The following LSM3 variants were observed in gnomAD, a reference collection of about 807,000 sequenced individuals.
LSM3 encodes the protein U6 snRNA-associated Sm-like protein LSm3.
Under a neutral mutation model 15.4 loss-of-function variants are expected in LSM3, and 14 were observed. The observed-to-expected ratio is 0.91, with a 90% CI of 0.60 to 1.42. The LOEUF is 1.42. LSM3 is among the 40% of genes most tolerant of loss of function. The pLI, the probability that LSM3 is intolerant of heterozygous loss-of-function variation, is 0.00. For synonymous variants in LSM3, 46 were observed against 45.1 expected (o/e 1.02, Z -0.08); for missense variants, 88 against 127.9 (o/e 0.69, Z 1.50).
Position 14,199,978 on chromosome 3 carries a change from A to G in LSM3, c.*1862A>G, listed in dbSNP as rs1048086120. The G allele has an allele frequency of 6.6e-6, 1 of 152,208 alleles. No individual in the cohort carries two copies. Among genetic ancestry groups the G allele is most frequent in the African/African-American group, 2.4e-5 (1 of 41,460 alleles). The allele number at this position is 152,208 out of a possible 1,614,324, so 9.4% of individuals were successfully genotyped here. On this transcript the variant is annotated 3_prime_UTR_variant, in exon 4 of 4. Coordinates refer to ENST00000306024, the MANE Select transcript of LSM3 (RefSeq NM_014463.3). ...AGTCTGCAGTTCTCCCCAGCACTGC[A>G]TTCATTTTTAGTGGTTTCTGATAGT...
chr3:14,195,231 T>G (rs967525363), intron 3 of LSM3, among the ~76,000 whole-genome samples: 1 of 152,154 alleles, frequency 6.6e-6, no homozygotes, highest in Non-Finnish European at 1.5e-5. Flanking sequence ...ATGAGAAGTT[T>G]ATGAATCAGC....
intron 3 of LSM3, among the ~76,000 whole-genome samples, chr3:14,189,098 C>T (rs1697116342): frequency 6.6e-6 from 1 of 152,088 alleles, no homozygotes; most frequent in South Asian, 2.1e-4. Flanking sequence ...TGATGGTTTC[C>T]AGCTTCATCC....
At chr3:14,194,775 CTTTTTTTTTTTT>C (rs145805608) in intron 3 of LSM3, among the ~76,000 whole-genome samples, 2 of 88,800 alleles carry the variant, frequency 2.3e-5, no homozygotes, top group East Asian at 4.4e-4. Context: ...TTATAGCATC[CTTTTTTTTTTTT>C]TTTTTTTTTT....
intron 3 of LSM3, among the ~76,000 whole-genome samples, chr3:14,193,464 CTTTG>C (rs1387178098): frequency 2.0e-5 from 3 of 152,142 alleles, no homozygotes; most frequent in African/African-American, 7.2e-5. Flanking sequence ...TTCTTGGAGG[CTTTG>C]TTTGTTCCTT....
At chr3:14,189,597 C>T (rs1455978101) in intron 3 of LSM3, among the ~76,000 whole-genome samples, 1 of 152,070 alleles carries the variant, frequency 6.6e-6, no homozygotes, top group African/African-American at 2.4e-5. Context: ...GCATAAATGT[C>T]TTCTTTTGAG....
At chr3:14,191,222 A>T (rs1307030892) in intron 3 of LSM3, among the ~76,000 whole-genome samples, 1 of 152,216 alleles carries the variant, frequency 6.6e-6, no homozygotes, top group Non-Finnish European at 1.5e-5. Context: ...GGTGTTCATC[A>T]GGGATATTGG....
chr3:14,195,293 T>C (rs751801565), intron 3 of LSM3, among the ~76,000 whole-genome samples: 14 of 152,156 alleles, frequency 9.2e-5, no homozygotes, highest in Non-Finnish European at 1.8e-4. Flanking sequence ...CTCAGTGATA[T>C]GACCCTAGCC....
intron 3 of LSM3, among the ~76,000 whole-genome samples, chr3:14,193,350 T>C (rs1430829188): frequency 4.6e-5 from 7 of 152,244 alleles, no homozygotes; most frequent in Admixed American, 4.6e-4. Context: ...GAAGTTCTCC[T>C]GGATAATATC....
Position 14,193,310 on chromosome 3 carries a change from T to C in LSM3, c.229-4726T>C, listed in dbSNP as rs181144334. 9.9e-4 allele frequency among the ~76,000 whole-genome samples: 151 copies of C among 152,304 alleles called. 1 individual carries two copies. Among genetic ancestry groups the C allele is most frequent in the African/African-American group, 3.5e-3 (145 of 41,568 alleles). On this transcript the variant is annotated intron_variant, in intron 3 of 3. Coordinates refer to ENST00000306024, the MANE Select transcript of LSM3 (RefSeq NM_014463.3). ...GTGGTGTTCTCTGTATTTCCTGAAT[T>C]TGAATGTTGGCCTGTCTTACTAGGT...
intron 1 of LSM3, 37 bp from the exon 2 acceptor site, chr3:14,181,523 T>C: frequency 7.5e-7 from 1 of 1,327,496 alleles, no homozygotes; most frequent in Non-Finnish European, 1.1e-6. Context: ...CTACTCTGAC[T>C]CTAGTACTAC....
chr3:14,190,713 A>G (rs1053302030), intron 3 of LSM3, among the ~76,000 whole-genome samples: 1 of 152,208 alleles, frequency 6.6e-6, no homozygotes, highest in Admixed American at 6.5e-5. Context: ...GGTTTTCTAA[A>G]TATACAATCA....
chr3:14,183,071 G>C (rs1283083298), intron 2 of LSM3, among the ~76,000 whole-genome samples: 1 of 152,222 alleles, frequency 6.6e-6, no homozygotes, highest in Non-Finnish European at 1.5e-5. Flanking sequence ...TGTGGCTCTT[G>C]GAGGCTTCTT....
intron 3 of LSM3, among the ~76,000 whole-genome samples, chr3:14,196,185 C>T (rs1026989354): frequency 7.9e-5 from 12 of 152,010 alleles, no homozygotes; most frequent in African/African-American, 2.4e-4. Context: ...TCTTGATCTC[C>T]TGACCTCATG....
At chr3:14,190,898 A>G (rs1053634641) in intron 3 of LSM3, among the ~76,000 whole-genome samples, 8 of 152,198 alleles carry the variant, frequency 5.3e-5, no homozygotes, top group Non-Finnish European at 8.8e-5. Context: ...GGTTTTGCCC[A>G]TTCAGTATGA....
At chr3:14,190,965 A>C (rs553238712) in intron 3 of LSM3, among the ~76,000 whole-genome samples, 8 of 152,284 alleles carry the variant, frequency 5.3e-5, no homozygotes, top group Non-Finnish European at 7.4e-5. Flanking sequence ...TGTTTCATTG[A>C]TACCTAGTTT....
In LSM3 at chr3:14,181,562, A is replaced by G. The variant is rs1176071572; in HGVS notation, c.24A>G (p.Gln8=). The change falls in exon 2 of 4, where the codon CAA becomes CAG. Residue 8 remains glutamine (Q), a splice_region_variant and synonymous_variant. Coordinates refer to ENST00000306024, the MANE Select transcript of LSM3 (RefSeq NM_014463.3). ...ACTAATCCTGTTTCTTTTATCAGCA[A>G]CAAACTACCAACACTGTAGAGGAGC... MADDVDQ[Q]QTTNTVEEPL... 4 of 1,604,774 alleles carry G rather than the reference A, an allele frequency of 2.5e-6. No homozygotes were observed. The highest frequency in any genetic ancestry group is 3.4e-6 in the Non-Finnish European group (4 of 1,171,702).
chr3:14,187,572 C>G (rs913430428), intron 3 of LSM3, among the ~76,000 whole-genome samples: 1 of 152,166 alleles, frequency 6.6e-6, no homozygotes, highest in Non-Finnish European at 1.5e-5. Context: ...AACTACTTCA[C>G]TCTCCTGTGC....
chr3:14,180,612 A>G (rs1406602126), intron 1 of LSM3, among the ~76,000 whole-genome samples: 1 of 151,936 alleles, frequency 6.6e-6, no homozygotes, highest in African/African-American at 2.4e-5. Context: ...CTAAATATTA[A>G]TATTTTCTGT....
rs957260991 is a variant in LSM3 at position 14,199,101 on chromosome 3, G to T, written c.*985G>T. 1 of 152,112 alleles carries T rather than the reference G, an allele frequency of 6.6e-6. No individual in the cohort carries two copies. The highest frequency in any genetic ancestry group is 2.4e-5 in the African/African-American group (1 of 41,418). 9.4% of individuals were successfully genotyped at this position (152,112 alleles called of 1,614,324 possible). A position where few individuals can be genotyped will look rare whatever the true frequency, so the allele number is the denominator to read the frequency against. On this transcript the variant is annotated 3_prime_UTR_variant, in exon 4 of 4. Transcript: ENST00000306024. ...TTCTCTGGCCTGATTTAATTCTAAG[G>T]TCAGACGTTCAGCTTGATCATAACC...
Sources: allele counts gnomAD v4.1 joint callset (sites outside exome capture counted in the v4.1 genomes callset), GRCh38; gene constraint gnomAD v4.1.1; transcripts MANE v1.5; gene names NCBI Gene and HGNC (gene_info 2026-07-23, HGNC 2026-07-21).